The following CLNK variants were observed in gnomAD, a reference collection of about 807,000 sequenced individuals.
CLNK encodes the protein cytokine-dependent hematopoietic cell linker.
A neutral mutation model predicts 68.6 loss-of-function variants in CLNK; 74 were observed. The observed-to-expected ratio is 1.08, with a 90% CI of 0.89 to 1.31. The LOEUF (loss-of-function observed/expected upper bound fraction) is 1.31. Ranked by LOEUF, CLNK falls within the 50% of genes most tolerant of loss-of-function variation. The pLI, the probability that CLNK is intolerant of heterozygous loss-of-function variation, is 0.00. For missense variants in CLNK, 553 were observed against 515.3 expected (o/e 1.07, Z -0.71); for synonymous variants, 198 against 172.2 (o/e 1.15, Z -1.17).
the CLNK span, among the ~76,000 whole-genome samples, chr4:10,723,872 A>G: frequency 1.1e-4 from 6 of 52,330 alleles, no homozygotes; most frequent in African/African-American, 3.1e-4. Context: ...TCTGAGAATA[A>G]CACAGGAGTC....
At chr4:10,636,931 T>G (rs1298157728) in intron 2 of CLNK, among the ~76,000 whole-genome samples, 5 of 152,160 alleles carry the variant, frequency 3.3e-5, no homozygotes, top group Admixed American at 6.5e-5. Context: ...TCTGCCTCCC[T>G]CTCATTCTTT....
intron 2 of CLNK, among the ~76,000 whole-genome samples, chr4:10,640,267 A>C (rs28475876): frequency 0.33 from 49,834 of 151,720 alleles, 9,445 homozygotes; most frequent in African/African-American, 0.53. Flanking sequence ...TCAGTTCAAG[A>C]GATTCTCCTG....
intron 12 of CLNK, chr4:10,531,330 C>T (rs1482725501): frequency 6.5e-6 from 1 of 152,902 alleles, no homozygotes; most frequent in Admixed American, 6.5e-5. Context: ...TTTATTTAGC[C>T]TCCACTGATC....
chr4:10,677,184 T>C (rs941170100), intron 1 of CLNK, among the ~76,000 whole-genome samples: 7 of 152,112 alleles, frequency 4.6e-5, no homozygotes, highest in African/African-American at 1.7e-4. Flanking sequence ...TTGCTATATA[T>C]TTACCACCAT....
chr4:10,643,932 C>A (rs1325689079), intron 2 of CLNK, among the ~76,000 whole-genome samples: 1 of 152,194 alleles, frequency 6.6e-6, no homozygotes, highest in Non-Finnish European at 1.5e-5. Context: ...GTGAGCTTGC[C>A]TATGCATGCA....
chr4:10,702,462 C>G, the CLNK span, among the ~76,000 whole-genome samples: 1 of 152,242 alleles, frequency 6.6e-6, no homozygotes, highest in South Asian at 2.1e-4. Flanking sequence ...ACTGGAGCTA[C>G]TTAGGAGATC....
intron 4 of CLNK, among the ~76,000 whole-genome samples, chr4:10,574,889 T>C (rs993966709): frequency 2.6e-5 from 4 of 152,186 alleles, no homozygotes; most frequent in Non-Finnish European, 1.5e-5. Flanking sequence ...ATGTACCCCC[T>C]GCTTGCTCAG....
intron 1 of CLNK, among the ~76,000 whole-genome samples, chr4:10,684,178 C>T (rs567412919): frequency 6.8e-4 from 104 of 152,218 alleles, no homozygotes; most frequent in African/African-American, 2.5e-3. Context: ...CTGCGTGATT[C>T]CAAAGTCTAA....
intron 2 of CLNK, among the ~76,000 whole-genome samples, chr4:10,629,252 A>G (rs1173555006): frequency 6.6e-6 from 1 of 152,126 alleles, no homozygotes; most frequent in Non-Finnish European, 1.5e-5. Flanking sequence ...TCGTGAGTTG[A>G]TTTATCGTGA....
intron 11 of CLNK, among the ~76,000 whole-genome samples, chr4:10,534,243 A>T (rs1027458557): frequency 1.3e-5 from 2 of 152,182 alleles, no homozygotes; most frequent in African/African-American, 4.8e-5. Flanking sequence ...TGAGAACCCA[A>T]GTGATTGTAA....
At chr4:10,694,488 TA>T in the CLNK span, among the ~76,000 whole-genome samples, 1 of 152,118 alleles carries the variant, frequency 6.6e-6, no homozygotes, top group Non-Finnish European at 1.5e-5. Context: ...TCATGTTGGA[TA>T]AGTTTAGATA....
At chr4:10,662,937 C>A (rs934416501) in intron 2 of CLNK, among the ~76,000 whole-genome samples, 1 of 152,196 alleles carries the variant, frequency 6.6e-6, no homozygotes, top group African/African-American at 2.4e-5. Context: ...GAGACCTTTG[C>A]TCTCTGATCT....
At chr4:10,687,815 G>C (rs1188958550), upstream of CLNK, among the ~76,000 whole-genome samples, 1 of 152,084 alleles carries the variant, frequency 6.6e-6, no homozygotes, top group East Asian at 1.9e-4. Flanking sequence ...CTTCTCTTTG[G>C]GTGATAATTC....
At chr4:10,633,381 T>C (rs1413444369) in intron 2 of CLNK, among the ~76,000 whole-genome samples, 1 of 152,260 alleles carries the variant, frequency 6.6e-6, no homozygotes, top group Non-Finnish European at 1.5e-5. Flanking sequence ...TTGCGACTGA[T>C]GGGCTGCAGC....
At chr4:10,564,536 C>T (rs966480673) in intron 7 of CLNK, 135 bp downstream of exon 7, 3 of 654,382 alleles carry the variant, frequency 4.6e-6, no homozygotes, top group Admixed American at 4.7e-5. Context: ...TAAGAGTCAC[C>T]TCCCATCCAC....
At chr4:10,539,142 C>T (rs1181609454) in intron 11 of CLNK, among the ~76,000 whole-genome samples, 1 of 152,188 alleles carries the variant, frequency 6.6e-6, no homozygotes, top group Non-Finnish European at 1.5e-5. Context: ...CTAATACAAA[C>T]ACAGACCATT....
intron 15 of CLNK, chr4:10,517,336 A>G (rs1305152306): frequency 6.6e-6 from 1 of 152,224 alleles, no homozygotes; most frequent in Non-Finnish European, 1.5e-5. Flanking sequence ...ACAACATAAT[A>G]TAAAAACAGA....
the CLNK span, among the ~76,000 whole-genome samples, chr4:10,703,481 C>G: frequency 1.3e-5 from 2 of 152,132 alleles, no homozygotes; most frequent in Non-Finnish European, 2.9e-5. Flanking sequence ...TGTCTCAAAG[C>G]CATTTGTTTG....
chr4:10,554,861 A>AT (rs1198485475), intron 8 of CLNK, among the ~76,000 whole-genome samples: 2 of 152,180 alleles, frequency 1.3e-5, no homozygotes, highest in Non-Finnish European at 2.9e-5. Context: ...CGCTTTGTAT[A>AT]GTCTGGATGA....
Sources: allele counts gnomAD v4.1 joint callset (sites outside exome capture counted in the v4.1 genomes callset), GRCh38; gene constraint gnomAD v4.1.1; transcripts MANE v1.5; gene names NCBI Gene and HGNC (gene_info 2026-07-23, HGNC 2026-07-21).